Variants in MAP1B observed in about 807,000 individuals in gnomAD.
MAP1B encodes microtubule-associated protein 1B.
MAP1B carries 12 observed loss-of-function variants against 176.1 expected under a neutral mutation model. The observed-to-expected ratio is 0.07, with a 90% CI of 0.04 to 0.11. The LOEUF is 0.11. Ranked by LOEUF, MAP1B falls within the 10% of genes least tolerant of loss-of-function variation. The pLI is 1.00. For missense variants in MAP1B, 2,523 were observed against 2,990.5 expected (o/e 0.84, Z 3.65); for synonymous variants, 1,044 against 1,135.0 (o/e 0.92, Z 1.61).
At chr5:72,188,582 T>C (rs911527228) in intron 4 of MAP1B, among the ~76,000 whole-genome samples, 1 of 152,238 alleles carries the variant, frequency 6.6e-6, no homozygotes, top group Non-Finnish European at 1.5e-5. Context: ...TTTGGCATAT[T>C]TGCATCTCAA....
At chr5:72,126,908 G>A (rs113994843) in intron 2 of MAP1B, among the ~76,000 whole-genome samples, 1,973 of 152,328 alleles carry the variant, frequency 0.013, 20 homozygotes, top group Middle Eastern at 0.024. Context: ...TTTGCACAAT[G>A]TCAAACACTT....
At chr5:72,181,254 T>C (rs1051294271) in intron 2 of MAP1B, among the ~76,000 whole-genome samples, 2 of 152,080 alleles carry the variant, frequency 1.3e-5, no homozygotes, top group Admixed American at 6.6e-5. Flanking sequence ...GTGATGGTGG[T>C]TGGTGGTGAG....
At chr5:72,157,334 A>G (rs183529600) in intron 2 of MAP1B, among the ~76,000 whole-genome samples, 38 of 152,324 alleles carry the variant, frequency 2.5e-4, no homozygotes, top group Admixed American at 1.7e-3. Context: ...TTGCTTTTCT[A>G]TGGTACTGTG....
intron 2 of MAP1B, among the ~76,000 whole-genome samples, chr5:72,163,322 G>A (rs3098385): frequency 0.79 from 120,311 of 151,838 alleles, 48,405 homozygotes; most frequent in South Asian, 0.95. Context: ...TCTGACTCTA[G>A]ATAGCTTTGT....
In MAP1B at chr5:72,197,416, A is replaced by C. The variant is rs1747206949; in HGVS notation, c.4061A>C (p.Glu1354Ala). 1.2e-6 allele frequency: 2 copies of C among 1,614,234 alleles called. No individual in the cohort carries two copies. Among genetic ancestry groups the C allele is most frequent in the Non-Finnish European group, 1.7e-6 (2 of 1,180,038 alleles). ...KSSHLPTEVI[E>A]KPPAVPVSFE... is the part of the protein sequence containing the mutation. ...AGTCATCTCCCTACAGAAGTCATTGAAAAACCACCAGCAGTTCCAGTGAGT... is the reference window on the plus strand; with the variant it reads ...AGTCATCTCCCTACAGAAGTCATTGCAAAACCACCAGCAGTTCCAGTGAGT... The change falls in exon 5 of 7, where the codon GAA becomes GCA. Residue 1354 changes from glutamate to alanine, a missense_variant. Glu to Ala is a moderately radical substitution (Grantham distance 107). Transcript: ENST00000296755.
Position 72,205,264 on chromosome 5 carries a change from G to T in MAP1B, c.*25G>T, listed in dbSNP as rs1170975673. On this transcript the variant is annotated 3_prime_UTR_variant, in exon 7 of 7. Coordinates refer to ENST00000296755, the MANE Select transcript of MAP1B (RefSeq NM_005909.5). ...AAAACCAAGGCCAGCCACACCACAG[G>T]ATCTGAACTTTGTTTCCAGAAATTC... 1.3e-6 allele frequency: 2 copies of T among 1,578,182 alleles called. No individual in the cohort carries two copies. Among genetic ancestry groups the T allele is most frequent in the African/African-American group, 1.4e-5 (1 of 73,092 alleles).
chr5:72,135,428 G>T (rs1745821595), intron 2 of MAP1B, among the ~76,000 whole-genome samples: 1 of 152,070 alleles, frequency 6.6e-6, no homozygotes, highest in African/African-American at 2.4e-5. Context: ...TCTCTCATTT[G>T]TGTCAGTGTT....
chr5:72,207,110 A>G lies in MAP1B; in HGVS notation c.*1871A>G, dbSNP rs1747469432. 1 of 152,230 alleles carries G rather than the reference A, an allele frequency of 6.6e-6. No homozygotes were observed. Among genetic ancestry groups the G allele is most frequent in the African/African-American group, 2.4e-5 (1 of 41,470 alleles). 9.4% of individuals were successfully genotyped at this position (152,230 alleles called of 1,614,324 possible). The stretch of plus-strand genomic sequence containing the variant: ...CATGTAGAGTTTAGAGAAAATTTCC[A>G]TCATTGTCATCATTGAACTGTGAAC... On this transcript the variant is annotated 3_prime_UTR_variant, in exon 7 of 7. Coordinates refer to ENST00000296755, the MANE Select transcript of MAP1B (RefSeq NM_005909.5).
At position 72,195,074 on chromosome 5, in the gene MAP1B, C is replaced by A; in HGVS notation, c.1719C>A (p.His573Gln). 1 of 1,613,874 alleles carries A rather than the reference C, an allele frequency of 6.2e-7. No homozygotes were observed. The highest frequency in any genetic ancestry group is 8.5e-7 in the Non-Finnish European group (1 of 1,179,992). The change falls in exon 5 of 7, where the codon CAC becomes CAA. Residue 573 changes from histidine to glutamine, a missense_variant. Coordinates refer to ENST00000296755, the MANE Select transcript of MAP1B (RefSeq NM_005909.5). ...CCCCTGAGGTCACAAAAGTGAATCA[C>A]GTGGAAAAGCCACCCAAAGTTGAAA... ...EETPEVTKVN[H>Q]VEKPPKVESK...
intron 2 of MAP1B, among the ~76,000 whole-genome samples, chr5:72,149,088 C>T: frequency 6.6e-6 from 1 of 152,198 alleles, no homozygotes; most frequent in East Asian, 1.9e-4. Flanking sequence ...CCACCAGCAC[C>T]TAGCACAATG....
rs572347753 is a variant in MAP1B, at chr5:72,189,567, T to C, written c.510+2813T>C. Among the ~76,000 whole-genome samples, 31 of 152,270 alleles carry C rather than the reference T, an allele frequency of 2.0e-4. No homozygotes were observed. In the South Asian group the frequency reaches 4.8e-3, roughly 23 times the overall value. On this transcript the variant is annotated intron_variant, in intron 4 of 6. Transcript: ENST00000296755. Reference sequence around the variant, plus strand: ...GGTGAAGGCCAGGTGCTATGGCCCATGCCTGTAATCCCAGTACTTTGGGAG... The same window carrying C: ...GGTGAAGGCCAGGTGCTATGGCCCACGCCTGTAATCCCAGTACTTTGGGAG...
rs745541616 is a variant in MAP1B at position 72,198,828 on chromosome 5, G to C, written c.5473G>C (p.Ala1825Pro). Reference sequence around the variant, plus strand: ...TTCCTCTTCTCCACCAATAGATGCAGCATCCGCAGAGCCCTATGGCTTCCG... The same window carrying C: ...TTCCTCTTCTCCACCAATAGATGCACCATCCGCAGAGCCCTATGGCTTCCG... The part of the protein sequence containing the change: ...HSSSSPPIDA[A>P]SAEPYGFRAS... The change falls in exon 5 of 7, where the codon GCA (alanine) becomes CCA (proline). Residue 1825 changes from alanine (A) to proline (P), a missense_variant. Coordinates refer to ENST00000296755, the MANE Select transcript of MAP1B (RefSeq NM_005909.5). 1 of 1,614,178 alleles carries C rather than the reference G, an allele frequency of 6.2e-7. No individual in the cohort carries two copies. The highest frequency in any genetic ancestry group is 8.5e-7 in the Non-Finnish European group (1 of 1,180,046).
chr5:72,199,004 TGAA>T lies in MAP1B; in HGVS notation c.5655_5657del (p.Glu1885del), dbSNP rs1453188124. 2 of 1,614,120 alleles carry T rather than the reference TGAA, an allele frequency of 1.2e-6. No individual in the cohort carries two copies. The highest frequency in any genetic ancestry group is 1.7e-5 in the Admixed American group (1 of 60,014). ...CTGAGGAAACAACCAGGTCCCCAGA[TGAA>T]GAAGATTATGACTATGAGTCTTATG... On this transcript the variant is annotated inframe_deletion, in exon 5 of 7. Transcript: ENST00000296755. The surrounding 1 kb of genome is among the most constrained non-coding windows in gnomAD (Gnocchi z 4.2).
chr5:72,156,482 G>T (rs1746231039), intron 2 of MAP1B, among the ~76,000 whole-genome samples: 1 of 152,224 alleles, frequency 6.6e-6, no homozygotes, highest in South Asian at 2.1e-4. Flanking sequence ...AAGAGCTATG[G>T]TGTGCAAACT....
chr5:72,127,472 A>G (rs1745650621), intron 2 of MAP1B, among the ~76,000 whole-genome samples: 1 of 152,202 alleles, frequency 6.6e-6, no homozygotes, highest in African/African-American at 2.4e-5. Flanking sequence ...TAATTTGATC[A>G]TATTTGCAAA....
At chr5:72,155,770 T>C (rs530465441) in intron 2 of MAP1B, among the ~76,000 whole-genome samples, 45 of 148,760 alleles carry the variant, frequency 3.0e-4, no homozygotes, top group Admixed American at 2.1e-3. Flanking sequence ...TCTTTTCTTT[T>C]TTTTTTTTTT....
chr5:72,178,162 C>A (rs774686215), intron 2 of MAP1B, among the ~76,000 whole-genome samples: 1 of 152,148 alleles, frequency 6.6e-6, no homozygotes, highest in Non-Finnish European at 1.5e-5. Flanking sequence ...ACCACCATGC[C>A]TGGCTAATTT....
chr5:72,185,059 T>A (rs1399825649), intron 3 of MAP1B, among the ~76,000 whole-genome samples: 1 of 152,242 alleles, frequency 6.6e-6, no homozygotes, highest in East Asian at 1.9e-4. Context: ...AATGATATAC[T>A]ATGTGGCCTT....
intron 2 of MAP1B, among the ~76,000 whole-genome samples, chr5:72,154,018 G>A (rs555145342): frequency 6.6e-5 from 10 of 152,202 alleles, no homozygotes; most frequent in African/African-American, 2.2e-4. Flanking sequence ...AAAATACCCT[G>A]CATTTAATCT....
Sources: allele counts gnomAD v4.1 joint callset (sites outside exome capture counted in the v4.1 genomes callset), GRCh38; gene constraint gnomAD v4.1.1; non-coding constraint Gnocchi (gnomAD v3.1); transcripts MANE v1.5; gene names NCBI Gene and HGNC (gene_info 2026-07-23, HGNC 2026-07-21).